CSMD1: variants seen among roughly 807,000 people sequenced by gnomAD.
The protein encoded by CSMD1 is CUB and sushi domain-containing protein 1.
CSMD1 carries 213 observed loss-of-function variants against 417.5 expected under a neutral mutation model. That is an observed-to-expected ratio of 0.51 (90% CI 0.46 to 0.57). The LOEUF (loss-of-function observed/expected upper bound fraction) is 0.57, where lower values mean the gene tolerates loss of function less well. CSMD1 is among the 20% of genes least tolerant of loss of function. The pLI is 0.00. For synonymous variants in CSMD1, 2,862 were observed against 1,736.8 expected (o/e 1.65, Z -16.11); for missense variants, 6,923 against 4,529.7 (o/e 1.53, Z -15.17).
intron 12 of CSMD1, among the ~76,000 whole-genome samples, chr8:3,429,815 A>C (rs1351066146): frequency 6.6e-6 from 1 of 152,172 alleles, no homozygotes; most frequent in African/African-American, 2.4e-5. Context: ...TAAATTACAG[A>C]TAGTCCCACC....
At chr8:3,692,807 C>G (rs559581142) in intron 7 of CSMD1, among the ~76,000 whole-genome samples, 1 of 152,082 alleles carries the variant, frequency 6.6e-6, no homozygotes, top group Admixed American at 6.5e-5. Flanking sequence ...ACCTCTGGAC[C>G]CTAATATGCA....
chr8:3,138,987 G>C (rs1057211960), intron 41 of CSMD1, among the ~76,000 whole-genome samples: 1 of 152,222 alleles, frequency 6.6e-6, no homozygotes, highest in African/African-American at 2.4e-5. Context: ...AAAGGTCTGA[G>C]AGCAGTTACG....
rs183959782 is a variant in CSMD1 at position 3,736,262 on chromosome 8, G to C, written c.931+17668C>G. On this transcript the variant is annotated intron_variant, in intron 6 of 69. Coordinates refer to ENST00000635120, the MANE Select transcript of CSMD1 (RefSeq NM_033225.6). ...TTTTGTTTTGTTTTGTTTTGTTTTTGACAGGGTCTCACTGTGTCACCCAGG... is the reference window on the plus strand; with the variant it reads ...TTTTGTTTTGTTTTGTTTTGTTTTTCACAGGGTCTCACTGTGTCACCCAGG... Among the ~76,000 whole-genome samples, 231 of 151,870 alleles carry C rather than the reference G, an allele frequency of 1.5e-3. 1 individual carries two copies. The Middle Eastern group carries it at 0.034, about 22-fold the overall frequency.
rs959336746 is a variant in CSMD1 at position 2,998,298 on chromosome 8, C to T, written c.8204-114G>A. The T allele has an allele frequency of 2.9e-6, 3 of 1,038,116 alleles. No homozygotes were observed. The African/African-American group carries it at 4.8e-5, about 17-fold the overall frequency. 64.3% of individuals were successfully genotyped at this position (1,038,116 alleles called of 1,614,324 possible). ...CTAACGGTATGGACTGAAGGTTTTC[C>T]ACTAACCAGGCAGCTTACAGATGGT... On this transcript the variant is annotated intron_variant, in intron 53 of 69. Transcript: ENST00000635120.
At chr8:3,440,214 GGTGCATTAAACTGTATATCAA>G in intron 12 of CSMD1, among the ~76,000 whole-genome samples, 1 of 116,438 alleles carries the variant, frequency 8.6e-6, no homozygotes, top group South Asian at 2.5e-4. Flanking sequence ...TCTTATAACA[GGTGCATTAAACTGTATATCAA>G]TTTGGGAGAT....
chr8:4,627,872 T>C (rs1802212816), intron 2 of CSMD1, among the ~76,000 whole-genome samples: 1 of 152,178 alleles, frequency 6.6e-6, no homozygotes, highest in African/African-American at 2.4e-5. Context: ...TTGGCATTTC[T>C]GATACTGTAT....
At chr8:3,876,163 T>A (rs1805802724) in intron 5 of CSMD1, among the ~76,000 whole-genome samples, 1 of 152,222 alleles carries the variant, frequency 6.6e-6, no homozygotes, top group South Asian at 2.1e-4. Context: ...GTGACAGTCA[T>A]GTTTTGTGAA....
intron 12 of CSMD1, among the ~76,000 whole-genome samples, chr8:3,462,678 A>T (rs1157956659): frequency 1.3e-5 from 2 of 152,180 alleles, no homozygotes; most frequent in Non-Finnish European, 2.9e-5. Flanking sequence ...GTAATAATAG[A>T]AATAAAGTGC....
intron 5 of CSMD1, among the ~76,000 whole-genome samples, chr8:3,853,901 A>ACAT (rs1804100702): frequency 6.8e-6 from 1 of 146,660 alleles, no homozygotes; most frequent in African/African-American, 2.5e-5. Context: ...ATACTTTAAT[A>ACAT]TATTAATACA....
At chr8:4,304,434 C>T (rs572101892) in intron 3 of CSMD1, among the ~76,000 whole-genome samples, 1 of 152,188 alleles carries the variant, frequency 6.6e-6, no homozygotes, top group South Asian at 2.1e-4. Flanking sequence ...AATTTAAGTT[C>T]CAAAAGTTAA....
intron 5 of CSMD1, among the ~76,000 whole-genome samples, chr8:3,921,052 T>A (rs1247790218): frequency 6.6e-6 from 1 of 152,174 alleles, no homozygotes; most frequent in Non-Finnish European, 1.5e-5. Flanking sequence ...TGGTTTAGTG[T>A]TTCTTTAAAT....
chr8:3,165,719 T>C (rs1471414011), intron 37 of CSMD1, among the ~76,000 whole-genome samples: 1 of 152,034 alleles, frequency 6.6e-6, no homozygotes, highest in Non-Finnish European at 1.5e-5. Context: ...GGTGGTTTTT[T>C]GTTGGTAAAG....
At chr8:4,135,714 A>G (rs1364258207) in intron 3 of CSMD1, among the ~76,000 whole-genome samples, 2 of 152,210 alleles carry the variant, frequency 1.3e-5, no homozygotes, top group Non-Finnish European at 2.9e-5. Context: ...TTGTAATAAT[A>G]TAATTCAGTC....
intron 26 of CSMD1, among the ~76,000 whole-genome samples, chr8:3,246,697 C>A (rs1409648041): frequency 6.6e-6 from 1 of 152,200 alleles, no homozygotes; most frequent in African/African-American, 2.4e-5. Context: ...GCCTCGAACT[C>A]CTGACCTCAG....
intron 25 of CSMD1, among the ~76,000 whole-genome samples, chr8:3,303,141 A>C (rs1804545246): frequency 6.6e-6 from 1 of 152,242 alleles, no homozygotes; most frequent in African/African-American, 2.4e-5. Flanking sequence ...GAATGGAGAA[A>C]TTGGACATGC....
chr8:3,124,552 T>A (rs1018367323), intron 41 of CSMD1, among the ~76,000 whole-genome samples: 1 of 152,138 alleles, frequency 6.6e-6, no homozygotes, highest in African/African-American at 2.4e-5. Flanking sequence ...TAGAAAGAGT[T>A]CAGTGTCTGG....
intron 3 of CSMD1, among the ~76,000 whole-genome samples, chr8:4,157,957 C>T (rs907710252): frequency 6.6e-6 from 1 of 152,216 alleles, no homozygotes; most frequent in African/African-American, 2.4e-5. Flanking sequence ...CATCTTTTAG[C>T]AACGTATGCC....
At position 3,181,176 on chromosome 8, in the gene CSMD1, G is replaced by C. The variant is rs749745536; in HGVS notation, c.5659C>G (p.Gln1887Glu). 1.9e-6 allele frequency: 3 copies of C among 1,613,888 alleles called. No homozygotes were observed. Among genetic ancestry groups the C allele is most frequent in the Admixed American group, 1.7e-5 (1 of 60,020 alleles). The change falls in exon 37 of 70, where the codon CAA becomes GAA. Residue 1887 changes from glutamine (Q) to glutamate (E), a missense_variant. Coordinates refer to ENST00000635120, the MANE Select transcript of CSMD1 (RefSeq NM_033225.6). ...VPALLNSTSN[Q>E]LYLHFQSDIS... is the part of the protein sequence containing the mutation. ...TCAGACTGGAAATGCAGGTAGAGTT[G>C]GTTGGAAGTACTGTTCAGCAGTGCC...
intron 2 of CSMD1, among the ~76,000 whole-genome samples, chr8:4,494,628 T>C (rs1801889017): frequency 6.6e-6 from 1 of 152,082 alleles, no homozygotes; most frequent in Non-Finnish European, 1.5e-5. Context: ...TAAAAGAAAG[T>C]TCGCTTCATC....
Sources: gnomAD v4.1 joint callset for allele counts (sites outside exome capture counted in the v4.1 genomes callset) on GRCh38, gnomAD v4.1.1 for gene constraint, MANE v1.5 for transcripts, NCBI Gene and HGNC (gene_info 2026-07-23, HGNC 2026-07-21) for gene names.